Variants in MYO1E observed in about 807,000 individuals in gnomAD.
The protein encoded by MYO1E is unconventional myosin-Ie.
Under a neutral mutation model 151.1 loss-of-function variants are expected in MYO1E, and 68 were observed. The ratio of observed to expected loss-of-function variants is 0.45; its 90% CI spans 0.37 to 0.55. The LOEUF (loss-of-function observed/expected upper bound fraction) is 0.55, where lower values mean the gene tolerates loss of function less well. Ranked by LOEUF, MYO1E falls within the 20% of genes least tolerant of loss-of-function variation. The probability of loss-of-function intolerance (pLI) is 0.00; values close to 1 mark genes in which losing one functional copy is unlikely to be tolerated. For synonymous variants in MYO1E, 601 were observed against 501.7 expected, an observed-to-expected ratio of 1.20 and a Z score of -2.64; for missense variants, 1,363 against 1,389.3, an observed-to-expected ratio of 0.98 and a Z score of 0.30.
Position 59,158,366 on chromosome 15 carries a change from C to A in MYO1E, c.2799G>T (p.Arg933Ser). The A allele has an allele frequency of 1.3e-6, 2 of 1,564,050 alleles. No individual in the cohort carries two copies. The highest frequency in any genetic ancestry group is 1.7e-6 in the Non-Finnish European group (2 of 1,152,512). Residue 933 changes from arginine (R) to serine (S), a missense_variant, in exon 25 of 28, where the codon AGG becomes AGT. Transcript: ENST00000288235. ...AATAACCTGTATTTTGGGTAGTGTT[C>A]CTTCTGGTAGGACCTGAAATAAACA... is the stretch of plus-strand genomic sequence containing the variant. ...GLPKNSRPTR[R>S]NTTQNTGYSS...
intron 18 of MYO1E, among the ~76,000 whole-genome samples, chr15:59,183,429 G>A (rs2079676687): frequency 6.6e-6 from 1 of 151,794 alleles, no homozygotes; most frequent in Non-Finnish European, 1.5e-5. Context: ...TGACCTCCTG[G>A]GCTCGAGTAA....
chr15:59,189,627 T>G (rs909789607), intron 17 of MYO1E, among the ~76,000 whole-genome samples: 1 of 152,146 alleles, frequency 6.6e-6, no homozygotes, highest in South Asian at 2.1e-4. Flanking sequence ...TAGGCTGGAG[T>G]GCAGTGGCAA....
At chr15:59,367,858 G>A (rs1244555808) in intron 1 of MYO1E, among the ~76,000 whole-genome samples, 5 of 152,196 alleles carry the variant, frequency 3.3e-5, no homozygotes, top group Non-Finnish European at 5.9e-5. Context: ...GGTGGCTCAC[G>A]TCTATAATCC....
rs2080815345 is a variant in MYO1E, at chr15:59,350,010, C to T, written c.3+22488G>A. On this transcript the variant is annotated intron_variant, in intron 1 of 27. Coordinates refer to ENST00000288235, the MANE Select transcript of MYO1E (RefSeq NM_004998.4). This position sits in a 1 kb window ranked among gnomAD's most constrained non-coding sequence, Gnocchi z 5.0. ...GAAAGGAGGGGTGGCTAGAACAGAG[C>T]CTCAGCCACAACCAGGTTGTGGTGC... Among the ~76,000 whole-genome samples the T allele has an allele frequency of 6.6e-6, 1 of 152,172 alleles. No homozygotes were observed. Among genetic ancestry groups the T allele is most frequent in the African/African-American group, 2.4e-5 (1 of 41,432 alleles).
chr15:59,353,101 T>G (rs747898484), intron 1 of MYO1E, among the ~76,000 whole-genome samples: 1 of 152,142 alleles, frequency 6.6e-6, no homozygotes, highest in Non-Finnish European at 1.5e-5. Flanking sequence ...CACATTTCCC[T>G]TTCTCAAAAG....
chr15:59,274,016 AAG>A (rs1335961790), intron 1 of MYO1E, among the ~76,000 whole-genome samples: 1 of 152,202 alleles, frequency 6.6e-6, no homozygotes, highest in African/African-American at 2.4e-5. Context: ...AACAAGATGG[AAG>A]CCATTCCAAA....
intron 1 of MYO1E, among the ~76,000 whole-genome samples, chr15:59,298,001 G>C (rs1389030673): frequency 1.3e-5 from 2 of 152,110 alleles, no homozygotes; most frequent in Non-Finnish European, 2.9e-5. Flanking sequence ...TAGAATTCTA[G>C]GCAAATAATT....
At chr15:59,226,815 A>T (rs73422980) in intron 7 of MYO1E, among the ~76,000 whole-genome samples, 2,181 of 152,320 alleles carry the variant, frequency 0.014, 43 homozygotes, top group African/African-American at 0.05. Flanking sequence ...TCAAATAAAA[A>T]AATAAATAAA....
At chr15:59,203,390 T>C (rs1425362205) in intron 15 of MYO1E, among the ~76,000 whole-genome samples, 1 of 151,614 alleles carries the variant, frequency 6.6e-6, no homozygotes, top group African/African-American at 2.4e-5. Context: ...CTTTCTTTTT[T>C]TTTTTTTTGA....
intron 12 of MYO1E, among the ~76,000 whole-genome samples, chr15:59,211,342 G>T (rs1167736491): frequency 6.6e-6 from 1 of 152,016 alleles, no homozygotes; most frequent in Non-Finnish European, 1.5e-5. Context: ...TTCCTCACTG[G>T]TTTCACTTTG....
At chr15:59,174,708 A>G (rs1420368856) in intron 19 of MYO1E, among the ~76,000 whole-genome samples, 1 of 152,154 alleles carries the variant, frequency 6.6e-6, no homozygotes, top group East Asian at 1.9e-4. Flanking sequence ...GCTGCTGTGG[A>G]AGGAGGGCTG....
At chr15:59,298,614 A>G (rs1047168282) in intron 1 of MYO1E, among the ~76,000 whole-genome samples, 9 of 152,136 alleles carry the variant, frequency 5.9e-5, no homozygotes, top group African/African-American at 1.2e-4. Context: ...CCCTGCTCCA[A>G]TCCTGTTCCC....
At chr15:59,352,802 C>T (rs2080830732) in intron 1 of MYO1E, among the ~76,000 whole-genome samples, 1 of 152,168 alleles carries the variant, frequency 6.6e-6, no homozygotes, top group Non-Finnish European at 1.5e-5. Flanking sequence ...GCTCTAAGGT[C>T]TGCAGAAGGA....
rs1457397499 is a variant in MYO1E, at chr15:59,136,393, G to A, written c.*987C>T. ...CGCCGATTCCTTTATTTATTTAGGA[G>A]GTGGGGGCAGGACGCGGAGTAAGTT... is the stretch of plus-strand genomic sequence containing the variant. On this transcript the variant is annotated 3_prime_UTR_variant, in exon 28 of 28. Transcript: ENST00000288235. The A allele has an allele frequency of 4.1e-5, 7 of 172,392 alleles. No homozygotes were observed. The highest frequency in any genetic ancestry group is 1.7e-4 in the African/African-American group (7 of 42,376). 10.7% of individuals were successfully genotyped at this position (172,392 alleles called of 1,614,324 possible). A position where few individuals can be genotyped will look rare whatever the true frequency, so the allele number is the denominator to read the frequency against.
chr15:59,148,915 C>CA (rs2079457599), intron 26 of MYO1E, among the ~76,000 whole-genome samples: 1 of 152,098 alleles, frequency 6.6e-6, no homozygotes, highest in African/African-American at 2.4e-5. Flanking sequence ...CAGACATTTC[C>CA]AGTCTGGGTT....
At chr15:59,349,851 T>A (rs542194352) in intron 1 of MYO1E, among the ~76,000 whole-genome samples, 8 of 152,116 alleles carry the variant, frequency 5.3e-5, no homozygotes, top group African/African-American at 1.9e-4. Flanking sequence ...TCAAAGACAA[T>A]CTATTAAAAG....
At chr15:59,347,076 C>T (rs745658196) in intron 1 of MYO1E, among the ~76,000 whole-genome samples, 30 of 152,206 alleles carry the variant, frequency 2.0e-4, no homozygotes, top group Non-Finnish European at 3.5e-4. Flanking sequence ...CTCTAGAGCA[C>T]GGGTTCCCAA....
In MYO1E at chr15:59,371,448, T is replaced by TTG. The variant is rs1281878141; in HGVS notation, c.3+1049_3+1050insCA. On this transcript the variant is annotated intron_variant, in intron 1 of 27. Transcript: ENST00000288235. Reference sequence around the variant, plus strand: ...GCCTTGTAATAGATTTTTTTTTTTTTGATGAACTGCCGATCTCTTCAAAAT... The same window carrying TTG: ...GCCTTGTAATAGATTTTTTTTTTTTTTGGATGAACTGCCGATCTCTTCAAAAT... 3.3e-5 allele frequency among the ~76,000 whole-genome samples: 5 copies of TTG among 151,450 alleles called. No homozygotes were observed. The East Asian group carries it at 7.8e-4, about 24-fold the overall frequency.
intron 2 of MYO1E, among the ~76,000 whole-genome samples, chr15:59,266,241 T>C (rs1375769901): frequency 6.6e-6 from 1 of 152,216 alleles, no homozygotes; most frequent in Admixed American, 6.5e-5. Context: ...AATTCAGGTG[T>C]GCCTCTGGGA....
Sources: gnomAD v4.1 joint callset for allele counts (sites outside exome capture counted in the v4.1 genomes callset) on GRCh38, gnomAD v4.1.1 for gene constraint, Gnocchi (gnomAD v3.1) non-coding constraint, MANE v1.5 for transcripts, NCBI Gene and HGNC (gene_info 2026-07-23, HGNC 2026-07-21) for gene names.